The following PCCB variants were observed in gnomAD, a reference collection of about 807,000 sequenced individuals.
The protein encoded by PCCB is propionyl-CoA carboxylase subunit beta, also known as propionyl-CoA carboxylase beta chain, mitochondrial.
Under a neutral mutation model 60.7 loss-of-function variants are expected in PCCB, and 43 were observed. The observed-to-expected ratio is 0.71, with a 90% CI of 0.55 to 0.91. The LOEUF is 0.91. Among genes scored for constraint, PCCB ranks in the 40% least tolerant of loss-of-function variants. The pLI, the probability that PCCB is intolerant of heterozygous loss-of-function variation, is 0.00. For synonymous variants in PCCB, 276 were observed against 255.9 expected (o/e 1.08, Z -0.75); for missense variants, 766 against 702.8 (o/e 1.09, Z -1.02).
chr3:136,252,573 G>T (rs1209377420), intron 1 of PCCB, among the ~76,000 whole-genome samples: 2 of 151,358 alleles, frequency 1.3e-5, no homozygotes, highest in Admixed American at 6.6e-5. Context: ...TGTCACCCAG[G>T]CTGGAGGGCA....
At position 136,302,543 on chromosome 3, in the gene PCCB, T is replaced by TTTTA. The variant is rs1180256709; in HGVS notation, c.966+1444_966+1447dup. ...TTTCTGTCATTTATTTAGGGTTTTA[T>TTTTA]TTTATTTATTTATTTTTATTTTATT... is the stretch of plus-strand genomic sequence containing the variant. On this transcript the variant is annotated intron_variant, in intron 9 of 14. Transcript: ENST00000251654. 1.7e-5 allele frequency among the ~76,000 whole-genome samples: 2 copies of TTTTA among 120,944 alleles called. 1 individual carries two copies. Among genetic ancestry groups the TTTTA allele is most frequent in the Non-Finnish European group, 3.7e-5 (2 of 54,518 alleles). The allele number at this position is 120,944 out of a possible 152,430, so 79.3% of individuals were successfully genotyped here. A position where few individuals can be genotyped will look rare whatever the true frequency, so the allele number is the denominator to read the frequency against.
chr3:136,288,719 A>T lies in PCCB; in HGVS notation c.654+4772A>T, dbSNP rs548607992. ...CAGTGGTATGATCATAGCTTACCACAGCCTCGACCTGCTGGGCTCAAGTGA... is the reference window on the plus strand; with the variant it reads ...CAGTGGTATGATCATAGCTTACCACTGCCTCGACCTGCTGGGCTCAAGTGA... On this transcript the variant is annotated intron_variant, in intron 6 of 14. Transcript: ENST00000251654. 9.3e-4 allele frequency among the ~76,000 whole-genome samples: 142 copies of T among 152,244 alleles called. 4 individuals carry two copies. The South Asian group carries it at 0.029, about 31-fold the overall frequency.
At chr3:136,266,734 G>C (rs1941993322) in intron 5 of PCCB, among the ~76,000 whole-genome samples, 1 of 152,106 alleles carries the variant, frequency 6.6e-6, no homozygotes, top group African/African-American at 2.4e-5. Context: ...TGTCTATTCA[G>C]ATCTTTTGTC....
chr3:136,314,469 AT>A (rs1934800161), intron 9 of PCCB, among the ~76,000 whole-genome samples: 1 of 152,114 alleles, frequency 6.6e-6, no homozygotes, highest in Non-Finnish European at 1.5e-5. Context: ...AGCCCGGCCA[AT>A]ACGGTGAAAC....
chr3:136,258,734 A>G (rs1162341960), intron 3 of PCCB, among the ~76,000 whole-genome samples: 1 of 152,102 alleles, frequency 6.6e-6, no homozygotes, highest in Non-Finnish European at 1.5e-5. Context: ...CCTTCTGGTT[A>G]ATTTCCTTTA....
At chr3:136,286,426 G>A (rs184969874) in intron 6 of PCCB, among the ~76,000 whole-genome samples, 62 of 152,142 alleles carry the variant, frequency 4.1e-4, no homozygotes, top group Middle Eastern at 6.8e-3. Flanking sequence ...GACTTTAATG[G>A]GTATCTCAAA....
chr3:136,267,342 C>T (rs1360754288), intron 5 of PCCB, among the ~76,000 whole-genome samples: 1 of 152,144 alleles, frequency 6.6e-6, no homozygotes, highest in Non-Finnish European at 1.5e-5. Flanking sequence ...CACACTAGTA[C>T]ACCCAGCTAA....
intron 12 of PCCB, 95 bp from the exon 13 acceptor site, chr3:136,327,539 T>G (rs1219338917): frequency 2.1e-6 from 2 of 958,678 alleles, no homozygotes; most frequent in African/African-American, 3.2e-5. Context: ...GCTATTCTTG[T>G]TCTTTGTCCC....
At chr3:136,318,212 G>A (rs1934981095) in intron 10 of PCCB, among the ~76,000 whole-genome samples, 1 of 151,978 alleles carries the variant, frequency 6.6e-6, no homozygotes, top group Admixed American at 6.5e-5. Flanking sequence ...GGGCGTGGTG[G>A]CACGTGCCTG....
chr3:136,302,366 C>G (rs1403311092), intron 9 of PCCB, among the ~76,000 whole-genome samples: 1 of 121,064 alleles, frequency 8.3e-6, no homozygotes, highest in Non-Finnish European at 1.8e-5. Context: ...CAGATTCTGC[C>G]AGGCAATTGT....
rs772314606 is a variant in PCCB, at chr3:136,299,923, CATATGT to C, written c.885-1097_885-1092del. The stretch of plus-strand genomic sequence containing the variant: ...ACATATGTATGCATGTATATGTATG[CATATGT>C]ATATGTATACGCATATGCATACATA... On this transcript the variant is annotated intron_variant, in intron 8 of 14. Transcript: ENST00000251654. 1.2e-4 allele frequency among the ~76,000 whole-genome samples: 18 copies of C among 151,362 alleles called. 1 individual carries two copies. The highest frequency in any genetic ancestry group is 4.2e-4 in the South Asian group (2 of 4,816).
At chr3:136,311,813 A>G (rs1358973487) in intron 9 of PCCB, among the ~76,000 whole-genome samples, 2 of 152,166 alleles carry the variant, frequency 1.3e-5, no homozygotes, top group East Asian at 3.9e-4. Flanking sequence ...AAACATTAAA[A>G]TAGACTTGAA....
intron 10 of PCCB, among the ~76,000 whole-genome samples, chr3:136,317,713 G>A (rs1934959278): frequency 6.6e-6 from 1 of 152,258 alleles, no homozygotes; most frequent in South Asian, 2.1e-4. Flanking sequence ...GGCAGGGGTG[G>A]TGATGTCGTA....
chr3:136,282,537 A>C (rs567920299), intron 5 of PCCB, among the ~76,000 whole-genome samples: 10 of 152,344 alleles, frequency 6.6e-5, no homozygotes, highest in African/African-American at 2.4e-4. Flanking sequence ...TCAAATTAAT[A>C]CTGACTTAAT....
chr3:136,327,705 C>T lies in PCCB; in HGVS notation c.1371C>T (p.Thr457=), dbSNP rs140630332. ...GTGATACCAACTATGCCTGGCCCAC[C>T]GCAGAGATTGCAGTCATGGGAGCAA... ...LCGDTNYAWP[T]AEIAVMGAKG... The change falls in exon 13 of 15, where the codon ACC becomes ACT. Residue 457 remains threonine, a synonymous_variant. Coordinates refer to ENST00000251654, the MANE Select transcript of PCCB (RefSeq NM_000532.5). 2.4e-5 allele frequency: 39 copies of T among 1,613,920 alleles called. No individual in the cohort carries two copies. The highest frequency in any genetic ancestry group is 2.3e-4 in the South Asian group (21 of 91,058).
chr3:136,307,484 CTAGT>C (rs1355334055), intron 9 of PCCB, among the ~76,000 whole-genome samples: 7 of 152,054 alleles, frequency 4.6e-5, no homozygotes, highest in African/African-American at 1.4e-4. Flanking sequence ...TAAAAACAAA[CTAGT>C]TAATAAAAGA....
chr3:136,281,090 A>G (rs1024001756), intron 5 of PCCB, among the ~76,000 whole-genome samples: 6 of 152,066 alleles, frequency 3.9e-5, no homozygotes, highest in African/African-American at 1.4e-4. Flanking sequence ...TTTGACTATA[A>G]TATGTCTCCG....
Position 136,255,985 on chromosome 3 carries a change from C to A in PCCB, c.303+10C>A. 6.2e-7 allele frequency: 1 copy of A among 1,614,098 alleles called. No homozygotes were observed. The highest frequency in any genetic ancestry group is 1.1e-5 in the South Asian group (1 of 91,038). ...TGCTGATAAGAATAAGGTATTTGTT[C>A]AAATGGTGGTGTGAACACTTTTTAG... On this transcript the variant is annotated intron_variant, in intron 2 of 14. Coordinates refer to ENST00000251654, the MANE Select transcript of PCCB (RefSeq NM_000532.5).
chr3:136,251,114 C>T (rs1559992583), intron 1 of PCCB: 1 of 425,766 alleles, frequency 2.3e-6, no homozygotes, highest in East Asian at 7.1e-5. Context: ...CTTAGCATGC[C>T]TCGCCTTGAT....
Sources: gnomAD v4.1 joint callset for allele counts (sites outside exome capture counted in the v4.1 genomes callset) on GRCh38, gnomAD v4.1.1 for gene constraint, MANE v1.5 for transcripts, NCBI Gene and HGNC (gene_info 2026-07-23, HGNC 2026-07-21) for gene names.